The following DCAF1 variants were observed in gnomAD, a reference collection of about 807,000 sequenced individuals.
The protein encoded by DCAF1 is DDB1- and CUL4-associated factor 1.
Under a neutral mutation model 128.0 loss-of-function variants are expected in DCAF1, and 15 were observed. That is an observed-to-expected ratio of 0.12 (90% CI 0.08 to 0.18). The LOEUF is 0.18. Ranked by LOEUF, DCAF1 falls within the 10% of genes least tolerant of loss-of-function variation. The pLI is 1.00. For missense variants in DCAF1, 988 were observed against 1,649.5 expected (o/e 0.60, Z 6.95); for synonymous variants, 610 against 603.0 (o/e 1.01, Z -0.17).
intron 6 of DCAF1, among the ~76,000 whole-genome samples, chr3:51,450,125 C>T (rs1410868932): frequency 2.0e-5 from 3 of 152,170 alleles, no homozygotes; most frequent in African/African-American, 7.2e-5. Context: ...GCAGGAGGAT[C>T]ACTTAAGGCT....
At chr3:51,444,500 G>A (rs1701656041) in intron 6 of DCAF1, among the ~76,000 whole-genome samples, 2 of 152,056 alleles carry the variant, frequency 1.3e-5, no homozygotes, top group African/African-American at 4.8e-5. Context: ...ACAGGCATGT[G>A]CCACCACAGC....
At chr3:51,431,360 A>G (rs2107558568) in intron 10 of DCAF1, among the ~76,000 whole-genome samples, 1 of 151,558 alleles carries the variant, frequency 6.6e-6, no homozygotes, top group South Asian at 2.1e-4. Context: ...TCTACTGAAA[A>G]AAAAAAAAAA....
intron 13 of DCAF1, among the ~76,000 whole-genome samples, chr3:51,424,075 C>T (rs1014240306): frequency 3.1e-4 from 47 of 152,124 alleles, no homozygotes; most frequent in African/African-American, 1.1e-3. Context: ...AATTAAAAAT[C>T]TGACAATACC....
intron 6 of DCAF1, among the ~76,000 whole-genome samples, chr3:51,458,748 G>A (rs1553643684): frequency 6.6e-6 from 1 of 152,104 alleles, no homozygotes; most frequent in Non-Finnish European, 1.5e-5. Context: ...CTAGAACTCA[G>A]GATTAAGAAA....
At chr3:51,424,875 G>A (rs1351400277) in intron 13 of DCAF1, among the ~76,000 whole-genome samples, 1 of 152,162 alleles carries the variant, frequency 6.6e-6, no homozygotes, top group Non-Finnish European at 1.5e-5. Context: ...GAAGATGGGT[G>A]ACTCTGGGGA....
At chr3:51,405,774 A>C (rs2090059354) in intron 23 of DCAF1, among the ~76,000 whole-genome samples, 1 of 152,242 alleles carries the variant, frequency 6.6e-6, no homozygotes, top group Non-Finnish European at 1.5e-5. Context: ...CTGCTGGTCA[A>C]GTAACTGGTG....
chr3:51,458,716 C>T (rs1025698542), intron 6 of DCAF1, among the ~76,000 whole-genome samples: 3 of 152,174 alleles, frequency 2.0e-5, no homozygotes, highest in African/African-American at 7.2e-5. Context: ...CAAACTGTCT[C>T]TCAGACCACA....
At chr3:51,400,226 A>T (rs2106775183) in intron 24 of DCAF1, among the ~76,000 whole-genome samples, 1 of 152,328 alleles carries the variant, frequency 6.6e-6, no homozygotes, top group East Asian at 1.9e-4. Context: ...TGAACAAAGC[A>T]AGCCTCAGCT....
chr3:51,398,444 T>C lies in DCAF1; in HGVS notation c.*325A>G, dbSNP rs1465004332. On this transcript the variant is annotated 3_prime_UTR_variant, in exon 25 of 25. Transcript: ENST00000684031. ...CTTGTTCTTTAAGTAAAGAACACTA[T>C]ACAAAGAAAATATATTGTGAAATAC... The C allele has an allele frequency of 4.1e-6, 1 of 244,596 alleles. No individual in the cohort carries two copies. The highest frequency in any genetic ancestry group is 7.9e-6 in the Non-Finnish European group (1 of 127,174). The allele number at this position is 244,596 out of a possible 1,614,324, so 15.2% of individuals were successfully genotyped here.
chr3:51,443,069 T>G (rs1701513697), intron 7 of DCAF1, among the ~76,000 whole-genome samples: 2 of 152,072 alleles, frequency 1.3e-5, no homozygotes, highest in South Asian at 4.2e-4. Flanking sequence ...ACCCCAGAAC[T>G]TAAAATAAAA....
chr3:51,485,625 C>T (rs1706843468), intron 2 of DCAF1, among the ~76,000 whole-genome samples: 1 of 152,216 alleles, frequency 6.6e-6, no homozygotes, highest in African/African-American at 2.4e-5. Context: ...TAAAGAGTTT[C>T]ACATCAGACA....
At chr3:51,491,073 G>A (rs1251047167) in intron 2 of DCAF1, among the ~76,000 whole-genome samples, 1 of 150,884 alleles carries the variant, frequency 6.6e-6, no homozygotes, top group African/African-American at 2.4e-5. Flanking sequence ...GTCGGGGTCA[G>A]GCGCAGTGGC....
intron 2 of DCAF1, among the ~76,000 whole-genome samples, chr3:51,494,151 C>T (rs1419191977): frequency 9.3e-5 from 13 of 140,360 alleles, no homozygotes; most frequent in Admixed American, 7.4e-5. Flanking sequence ...CTCACTCTGT[C>T]GCCCAGAGAC....
rs1699330454 is a variant in DCAF1, at chr3:51,420,912, G to A, written c.2058C>T (p.Ile686=). 6.2e-7 allele frequency: 1 copy of A among 1,613,972 alleles called. No individual in the cohort carries two copies. The highest frequency in any genetic ancestry group is 1.3e-5 in the African/African-American group (1 of 75,024). ...EIQKSALQII[I]NCVCGPDNRI... is the part of the protein sequence containing the mutation. The stretch of plus-strand genomic sequence containing the variant: ...GGTTATCTGGGCCACACACACAATT[G>A]ATGATAATCTGAAGTGCTGACTTCT... The change falls in exon 15 of 25, where the codon ATC becomes ATT. Residue 686 remains isoleucine, a synonymous_variant. Coordinates refer to ENST00000684031, the MANE Select transcript of DCAF1 (RefSeq NM_001387579.1). This position sits in a 1 kb window ranked among gnomAD's most constrained non-coding sequence, Gnocchi z 6.5.
chr3:51,423,234 G>A (rs1419991064), intron 13 of DCAF1, among the ~76,000 whole-genome samples: 2 of 152,180 alleles, frequency 1.3e-5, no homozygotes, highest in Admixed American at 6.5e-5. Context: ...TCTCATGCCT[G>A]TAATCCTAGT....
chr3:51,449,664 A>G (rs1553641039), intron 6 of DCAF1, among the ~76,000 whole-genome samples: 1 of 152,214 alleles, frequency 6.6e-6, no homozygotes, highest in African/African-American at 2.4e-5. Context: ...ATAGTGGGGA[A>G]AAATGAAATA....
At chr3:51,456,298 C>G (rs1405486704) in intron 6 of DCAF1, among the ~76,000 whole-genome samples, 1 of 152,220 alleles carries the variant, frequency 6.6e-6, no homozygotes, top group Non-Finnish European at 1.5e-5. Flanking sequence ...CCCACAGAGT[C>G]TCCCTCATTG....
chr3:51,493,431 G>A (rs948143854), intron 2 of DCAF1, among the ~76,000 whole-genome samples: 5 of 150,886 alleles, frequency 3.3e-5, no homozygotes, highest in Non-Finnish European at 7.4e-5. Flanking sequence ...GGCAATGAGC[G>A]CAAAACTCCA....
chr3:51,459,861 T>G (rs1703346711), intron 6 of DCAF1, among the ~76,000 whole-genome samples: 1 of 152,116 alleles, frequency 6.6e-6, no homozygotes. Context: ...TCAACAACCT[T>G]CATGCTAAAA....
Sources: allele counts gnomAD v4.1 joint callset (sites outside exome capture counted in the v4.1 genomes callset), GRCh38; gene constraint gnomAD v4.1.1; non-coding constraint Gnocchi (gnomAD v3.1); transcripts MANE v1.5; gene names NCBI Gene and HGNC (gene_info 2026-07-23, HGNC 2026-07-21).